SNX29: variants seen among roughly 807,000 people sequenced by gnomAD.
SNX29 encodes sorting nexin-29.
Under a neutral mutation model 102.1 loss-of-function variants are expected in SNX29, and 78 were observed. The observed-to-expected ratio is 0.76, with a 90% CI of 0.64 to 0.92. The LOEUF (loss-of-function observed/expected upper bound fraction) is 0.92. Among genes scored for constraint, SNX29 ranks in the 40% least tolerant of loss-of-function variants. The probability of loss-of-function intolerance (pLI) is 0.00; values close to 1 mark genes in which losing one functional copy is unlikely to be tolerated. For synonymous variants in SNX29, 580 were observed against 414.5 expected, an observed-to-expected ratio of 1.40 and a Z score of -4.85; for missense variants, 1,280 against 1,061.7, an observed-to-expected ratio of 1.21 and a Z score of -2.86.
intron 1 of SNX29, among the ~76,000 whole-genome samples, chr16:11,993,862 T>C (rs556979254): frequency 1.3e-5 from 2 of 152,206 alleles, no homozygotes; most frequent in Non-Finnish European, 2.9e-5. Context: ...GGCTCATGCC[T>C]GTAATCCCAA....
chr16:12,094,311 C>T (rs1353256420), intron 11 of SNX29, among the ~76,000 whole-genome samples: 2 of 152,158 alleles, frequency 1.3e-5, no homozygotes, highest in Non-Finnish European at 2.9e-5. Context: ...TATCTGGCAT[C>T]TTAAAGACTG....
chr16:12,262,036 A>G (rs113634437), intron 14 of SNX29, among the ~76,000 whole-genome samples: 78 of 45,560 alleles, frequency 1.7e-3, no homozygotes, highest in East Asian at 2.3e-3. Context: ...GTCTGTGTGC[A>G]CGTCCCCGGC....
intron 11 of SNX29, among the ~76,000 whole-genome samples, chr16:12,122,895 C>T (rs1312802174): frequency 6.6e-6 from 1 of 152,078 alleles, no homozygotes; most frequent in Non-Finnish European, 1.5e-5. Context: ...GGCATAATCT[C>T]GGCTCACTGC....
intron 14 of SNX29, among the ~76,000 whole-genome samples, chr16:12,260,122 C>T (rs1443517365): frequency 1.3e-5 from 2 of 152,198 alleles, no homozygotes; most frequent in African/African-American, 2.4e-5. Context: ...CTTCAGAATT[C>T]ATAAGGGAAG....
rs913771786 is a variant in SNX29 at position 12,574,043 on chromosome 16, C to T, written c.*5414C>T. 2 of 195,278 alleles carry T rather than the reference C, an allele frequency of 1.0e-5. No individual in the cohort carries two copies. Among genetic ancestry groups the T allele is most frequent in the Non-Finnish European group, 2.1e-5 (2 of 94,036 alleles). The allele number at this position is 195,278 out of a possible 1,614,324, so 12.1% of individuals were successfully genotyped here. A position where few individuals can be genotyped will look rare whatever the true frequency, so the allele number is the denominator to read the frequency against. ...GGCCACATATCTAGAGTCTGATAGT[C>T]TGTGTGTACATAAGGTCTAGAAGTC... On this transcript the variant is annotated 3_prime_UTR_variant, in exon 21 of 21. Transcript: ENST00000566228.
chr16:12,448,157 A>G (rs1597412076), intron 18 of SNX29, among the ~76,000 whole-genome samples: 1 of 152,206 alleles, frequency 6.6e-6, no homozygotes, highest in East Asian at 1.9e-4. Context: ...GGGGTTAAGC[A>G]AGGTGACCAA....
At chr16:12,125,093 C>T (rs375691930) in intron 11 of SNX29, among the ~76,000 whole-genome samples, 3 of 152,026 alleles carry the variant, frequency 2.0e-5, no homozygotes, top group African/African-American at 7.3e-5. Flanking sequence ...TCGTACTTGG[C>T]GAAGTATAAT....
intron 19 of SNX29, among the ~76,000 whole-genome samples, chr16:12,502,046 T>C (rs934813109): frequency 2.0e-5 from 3 of 152,202 alleles, no homozygotes; most frequent in African/African-American, 7.2e-5. Context: ...GGAAAGGTTC[T>C]AGTTCTTGGT....
intron 16 of SNX29, among the ~76,000 whole-genome samples, chr16:12,368,676 A>G (rs16959342): frequency 0.41 from 63,018 of 152,164 alleles, 14,560 homozygotes; most frequent in Non-Finnish European, 0.54. Flanking sequence ...CTGAAGGAAT[A>G]GAAGCTGGGA....
At chr16:12,135,405 C>A in intron 13 of SNX29, 1 of 729,190 alleles carries the variant, frequency 1.4e-6, no homozygotes. Context: ...CAGAGGATGG[C>A]AGCCCACCCA....
chr16:12,433,114 TC>T (rs2085382141), intron 18 of SNX29, among the ~76,000 whole-genome samples: 1 of 152,186 alleles, frequency 6.6e-6, no homozygotes, highest in African/African-American at 2.4e-5. Context: ...GTTGTGTGTG[TC>T]CCGTTCCTTT....
Position 12,570,133 on chromosome 16 carries a change from A to C in SNX29, c.*1504A>C, listed in dbSNP as rs1044056175. The stretch of plus-strand genomic sequence containing the variant: ...GGAAGATTGTTCATGGCCTTTAAGG[A>C]AGGCTGAGATCACTCACACACAGCG... On this transcript the variant is annotated 3_prime_UTR_variant, in exon 21 of 21. Coordinates refer to ENST00000566228, the MANE Select transcript of SNX29 (RefSeq NM_032167.5). The C allele has an allele frequency of 7.6e-6, 8 of 1,053,866 alleles. No individual in the cohort carries two copies. Among genetic ancestry groups the C allele is most frequent in the African/African-American group, 6.6e-5 (4 of 60,770 alleles). 65.3% of individuals were successfully genotyped at this position (1,053,866 alleles called of 1,614,324 possible).
intron 13 of SNX29, among the ~76,000 whole-genome samples, chr16:12,162,374 A>G (rs1265917550): frequency 6.6e-6 from 1 of 152,062 alleles, no homozygotes; most frequent in Non-Finnish European, 1.5e-5. Flanking sequence ...GGGCATCCAC[A>G]CCCTCCTAAG....
At chr16:12,253,109 T>A (rs763304448) in intron 14 of SNX29, among the ~76,000 whole-genome samples, 38 of 152,154 alleles carry the variant, frequency 2.5e-4, no homozygotes, top group African/African-American at 7.2e-4. Flanking sequence ...CACGAGCTGT[T>A]CCCTAACCCT....
chr16:12,392,291 G>C (rs566678374), intron 16 of SNX29, among the ~76,000 whole-genome samples: 1 of 152,250 alleles, frequency 6.6e-6, no homozygotes, highest in South Asian at 2.1e-4. Flanking sequence ...ATTACCCTAA[G>C]TGGTATTGCA....
chr16:12,540,348 T>G (rs1462338723), intron 20 of SNX29, among the ~76,000 whole-genome samples: 1 of 152,208 alleles, frequency 6.6e-6, no homozygotes, highest in Non-Finnish European at 1.5e-5. Context: ...AGAGGAACGT[T>G]ATCCCCTGTA....
intron 19 of SNX29, among the ~76,000 whole-genome samples, chr16:12,489,081 T>A (rs1420418120): frequency 1.3e-5 from 2 of 152,364 alleles, no homozygotes; most frequent in African/African-American, 4.8e-5. Context: ...TATCTGCTTT[T>A]GTTCCTCACA....
chr16:12,119,241 C>T (rs2053872468), intron 11 of SNX29, among the ~76,000 whole-genome samples: 1 of 152,198 alleles, frequency 6.6e-6, no homozygotes. Flanking sequence ...CCACTGTACC[C>T]TGTGAGGACT....
At chr16:12,058,730 G>T (rs562783159) in intron 8 of SNX29, among the ~76,000 whole-genome samples, 1 of 150,662 alleles carries the variant, frequency 6.6e-6, no homozygotes. Context: ...CTGACCTCAG[G>T]TGATCTACCC....
Sources: allele counts gnomAD v4.1 joint callset (sites outside exome capture counted in the v4.1 genomes callset), GRCh38; gene constraint gnomAD v4.1.1; transcripts MANE v1.5; gene names NCBI Gene and HGNC (gene_info 2026-07-23, HGNC 2026-07-21).